KCNIP4: variants seen among roughly 807,000 people sequenced by gnomAD.
KCNIP4 encodes the protein Kv channel-interacting protein 4.
In KCNIP4, 12 loss-of-function variants were observed where a neutral mutation model predicts 34.0. That is an observed-to-expected ratio of 0.35 (90% CI 0.23 to 0.57). The LOEUF (loss-of-function observed/expected upper bound fraction) is 0.57, where lower values mean the gene tolerates loss of function less well. Ranked by LOEUF, KCNIP4 falls within the 20% of genes least tolerant of loss-of-function variation. KCNIP4 has a pLI of 0.83. For missense variants in KCNIP4, 238 were observed against 311.7 expected (o/e 0.76, Z 1.78); for synonymous variants, 124 against 102.2 (o/e 1.21, Z -1.29).
At chr4:21,819,583 C>G (rs1484871778) in intron 1 of KCNIP4, among the ~76,000 whole-genome samples, 5 of 152,040 alleles carry the variant, frequency 3.3e-5, no homozygotes, top group Non-Finnish European at 7.4e-5. Flanking sequence ...TGGCTAGATA[C>G]TTAACACATG....
chr4:21,728,413 C>T (rs1357601300), intron 1 of KCNIP4, among the ~76,000 whole-genome samples: 1 of 152,146 alleles, frequency 6.6e-6, no homozygotes, highest in Non-Finnish European at 1.5e-5. Flanking sequence ...ACCACTGCCA[C>T]CCCAGAACTG....
intron 1 of KCNIP4, among the ~76,000 whole-genome samples, chr4:21,818,268 C>T (rs1722111544): frequency 1.3e-5 from 2 of 152,170 alleles, no homozygotes. Context: ...CTCCCATATG[C>T]CCCTCAGCTT....
At chr4:21,403,078 C>G (rs1723678707) in intron 1 of KCNIP4, among the ~76,000 whole-genome samples, 2 of 152,250 alleles carry the variant, frequency 1.3e-5, no homozygotes, top group Non-Finnish European at 2.9e-5. Context: ...TTGAACTGAT[C>G]AGCAGCATTT....
chr4:20,934,156 T>C (rs189905948), intron 1 of KCNIP4, among the ~76,000 whole-genome samples: 99 of 152,328 alleles, frequency 6.5e-4, no homozygotes, highest in East Asian at 1.3e-3. Flanking sequence ...GAAACTGAAG[T>C]TCATAAAATA....
At chr4:21,880,332 G>A (rs1035562203) in intron 1 of KCNIP4, among the ~76,000 whole-genome samples, 1 of 152,132 alleles carries the variant, frequency 6.6e-6, no homozygotes, top group African/African-American at 2.4e-5. Flanking sequence ...GAATTATTGA[G>A]TTGAAAGGTA....
At chr4:20,878,296 A>G (rs1724286702) in intron 2 of KCNIP4, among the ~76,000 whole-genome samples, 1 of 152,004 alleles carries the variant, frequency 6.6e-6, no homozygotes. Flanking sequence ...ATGACAATCC[A>G]TTTTCTGATA....
At chr4:21,660,722 C>T (rs1333278796) in intron 1 of KCNIP4, among the ~76,000 whole-genome samples, 1 of 152,120 alleles carries the variant, frequency 6.6e-6, no homozygotes, top group African/African-American at 2.4e-5. Context: ...TTAATGCTAT[C>T]CTTAAACAGG....
intron 1 of KCNIP4, among the ~76,000 whole-genome samples, chr4:21,277,482 C>G (rs189823125): frequency 6.6e-6 from 1 of 151,998 alleles, no homozygotes; most frequent in Admixed American, 6.6e-5. Flanking sequence ...AATAAGTAGC[C>G]ATTGTATAAT....
At position 21,519,740 on chromosome 4, in the gene KCNIP4, G is replaced by GTGTGT. The variant is rs556963421; in HGVS notation, c.61+428830_61+428831insACACA. 3.3e-3 allele frequency among the ~76,000 whole-genome samples: 360 copies of GTGTGT among 110,200 alleles called. 11 individuals carry two copies. Among genetic ancestry groups the GTGTGT allele is most frequent in the Admixed American group, 0.015 (158 of 10,716 alleles). 72.3% of individuals were successfully genotyped at this position (110,200 alleles called of 152,430 possible). Reference sequence around the variant, plus strand: ...TATATACACACGTGTGTATATGTATGATACACACGTGTGTGTATGTATGTG... The same window carrying GTGTGT: ...TATATACACACGTGTGTATATGTATGTGTGTATACACACGTGTGTGTATGTATGTG... On this transcript the variant is annotated intron_variant, in intron 1 of 8. Transcript: ENST00000382152.
chr4:20,994,338 C>A (rs1737348352), intron 1 of KCNIP4, among the ~76,000 whole-genome samples: 1 of 152,082 alleles, frequency 6.6e-6, no homozygotes, highest in Non-Finnish European at 1.5e-5. Flanking sequence ...TTATTAGGAA[C>A]AAACTAGTTG....
chr4:21,120,609 T>G (rs1031689029), intron 1 of KCNIP4, among the ~76,000 whole-genome samples: 1 of 152,116 alleles, frequency 6.6e-6, no homozygotes, highest in Non-Finnish European at 1.5e-5. Flanking sequence ...GTTTGTCAGC[T>G]CAGGAAAATC....
chr4:21,010,564 G>A (rs1370020778), intron 1 of KCNIP4, among the ~76,000 whole-genome samples: 2 of 152,164 alleles, frequency 1.3e-5, no homozygotes, highest in African/African-American at 4.8e-5. Flanking sequence ...TGCCTTTGGA[G>A]ACAAGTTTTG....
At chr4:21,787,893 T>A (rs1720013900) in intron 1 of KCNIP4, among the ~76,000 whole-genome samples, 1 of 152,132 alleles carries the variant, frequency 6.6e-6, no homozygotes, top group East Asian at 1.9e-4. Flanking sequence ...GACATTCTAG[T>A]GGGGGAAGCA....
In KCNIP4 at chr4:21,137,896, G is replaced by C. The variant is rs186114809; in HGVS notation, c.62-255187C>G. Among the ~76,000 whole-genome samples the C allele has an allele frequency of 7.0e-3, 342 of 48,942 alleles. 1 individual carries two copies. The highest frequency in any genetic ancestry group is 0.038 in the African/African-American group (312 of 8,160). The allele number at this position is 48,942 out of a possible 152,430, so 32.1% of individuals were successfully genotyped here. A position where few individuals can be genotyped will look rare whatever the true frequency, so the allele number is the denominator to read the frequency against. On this transcript the variant is annotated intron_variant, in intron 1 of 8. Coordinates refer to ENST00000382152, the MANE Select transcript of KCNIP4 (RefSeq NM_025221.6). Reference sequence around the variant, plus strand: ...CTTTTTTGTTTTTTTTTTTTTGATGGAGTCTTGCTCTATTACCCAGGCTAG... The same window carrying C: ...CTTTTTTGTTTTTTTTTTTTTGATGCAGTCTTGCTCTATTACCCAGGCTAG...
Position 21,704,898 on chromosome 4 carries a change from C to A in KCNIP4, c.61+243673G>T, listed in dbSNP as rs574141119. On this transcript the variant is annotated intron_variant, in intron 1 of 8. Coordinates refer to ENST00000382152, the MANE Select transcript of KCNIP4 (RefSeq NM_025221.6). ...CCAGAGAAATAAAAATTTATTTTCACACAAAAACCTGTACACGGATGCTTA... is the reference window on the plus strand; with the variant it reads ...CCAGAGAAATAAAAATTTATTTTCAAACAAAAACCTGTACACGGATGCTTA... 1.7e-3 allele frequency among the ~76,000 whole-genome samples: 266 copies of A among 152,170 alleles called. 1 individual carries two copies. The highest frequency in any genetic ancestry group is 3.0e-3 in the Non-Finnish European group (202 of 68,002).
chr4:21,289,374 A>C (rs1763302423), intron 1 of KCNIP4, among the ~76,000 whole-genome samples: 1 of 152,160 alleles, frequency 6.6e-6, no homozygotes. Context: ...TTGTGCTATC[A>C]AACACTAGAT....
At chr4:21,315,877 C>T (rs1713697636) in intron 1 of KCNIP4, among the ~76,000 whole-genome samples, 1 of 152,120 alleles carries the variant, frequency 6.6e-6, no homozygotes, top group African/African-American at 2.4e-5. Flanking sequence ...TTTCATTTTG[C>T]AGAATGAAAT....
intron 1 of KCNIP4, chr4:21,697,260 G>T: frequency 1.5e-6 from 2 of 1,307,824 alleles, no homozygotes; most frequent in Non-Finnish European, 1.9e-6. Flanking sequence ...TCACAACAAA[G>T]AAATAGCCTT....
chr4:21,332,448 T>C (rs1021729833), intron 1 of KCNIP4, among the ~76,000 whole-genome samples: 1 of 152,040 alleles, frequency 6.6e-6, no homozygotes, highest in East Asian at 1.9e-4. Context: ...TTATGTCCCA[T>C]GGAATAACTC....
Sources: allele counts gnomAD v4.1 joint callset (sites outside exome capture counted in the v4.1 genomes callset), GRCh38; gene constraint gnomAD v4.1.1; transcripts MANE v1.5; gene names NCBI Gene and HGNC (gene_info 2026-07-23, HGNC 2026-07-21).